RYR2: variants seen among roughly 807,000 people sequenced by gnomAD.
The protein encoded by RYR2 is ryanodine receptor 2, also known as cardiac muscle ryanodine receptor-calcium release channel.
In RYR2, 227 loss-of-function variants were observed where a neutral mutation model predicts 601.1. The observed-to-expected ratio is 0.38, with a 90% CI of 0.34 to 0.42. The LOEUF is 0.42. Ranked by LOEUF, RYR2 falls within the 10% of genes least tolerant of loss-of-function variation. The pLI, the probability that RYR2 is intolerant of heterozygous loss-of-function variation, is 1.00. For synonymous variants in RYR2, 2,223 were observed against 2,175.1 expected, an observed-to-expected ratio of 1.02 and a Z score of -0.61; for missense variants, 4,646 against 6,156.5, an observed-to-expected ratio of 0.75 and a Z score of 8.21.
intron 11 of RYR2, among the ~76,000 whole-genome samples, chr1:237,420,996 T>A (rs898084701): frequency 1.5e-4 from 23 of 152,192 alleles, no homozygotes; most frequent in African/African-American, 5.5e-4. Context: ...ATCCCATCAC[T>A]TTGGGAGGCT....
At chr1:237,754,972 A>G (rs1573815873) in intron 80 of RYR2, 1 of 690,250 alleles carries the variant, frequency 1.4e-6, no homozygotes, top group Non-Finnish European at 2.1e-6. Flanking sequence ...ATTTAGGCCT[A>G]TCACATAATT....
chr1:237,530,476 G>T lies in RYR2; in HGVS notation c.2872G>T (p.Glu958Ter). 6.2e-7 allele frequency: 1 copy of T among 1,608,548 alleles called. No homozygotes were observed. The highest frequency in any genetic ancestry group is 8.5e-7 in the Non-Finnish European group (1 of 1,177,360). Residue 958 changes from glutamate to a stop codon, truncating the protein, a stop_gained, in exon 25 of 105, where the codon GAA becomes TAA. Transcript: ENST00000366574. LOFTEE classifies it high-confidence loss of function. The stretch of plus-strand genomic sequence containing the variant: ...TGTGGGTATATCAGATGAACATGCT[G>T]AAGACAAGGTGAAAAAAATGAAGCT... ...CHVGISDEHA[E>*]DKVKKMKLPK...
At chr1:237,442,148 T>A (rs1227033031) in intron 13 of RYR2, among the ~76,000 whole-genome samples, 3 of 152,196 alleles carry the variant, frequency 2.0e-5, no homozygotes, top group Non-Finnish European at 4.4e-5. Flanking sequence ...CTTTGCAGAA[T>A]TATGAGCCAG....
chr1:237,829,312 T>C (rs558373485), intron 102 of RYR2, among the ~76,000 whole-genome samples: 1 of 152,288 alleles, frequency 6.6e-6, no homozygotes, highest in African/African-American at 2.4e-5. Flanking sequence ...CTGTCAGCAT[T>C]TTCCAGGTGG....
intron 60 of RYR2, 72 bp from the exon 61 acceptor site, chr1:237,677,976 C>G (rs1301575771): frequency 3.2e-6 from 3 of 935,024 alleles, no homozygotes; most frequent in Non-Finnish European, 5.2e-6. Context: ...GCTTTCTAAC[C>G]TTTGCATTAT....
intron 8 of RYR2, among the ~76,000 whole-genome samples, chr1:237,383,374 C>T (rs1701694132): frequency 6.7e-6 from 1 of 149,302 alleles, no homozygotes; most frequent in Non-Finnish European, 1.5e-5. Flanking sequence ...AACTACTCTG[C>T]ATTCCAATCT....
chr1:237,556,880 C>CAAAAA (rs869116177), intron 27 of RYR2, among the ~76,000 whole-genome samples: 6 of 77,828 alleles, frequency 7.7e-5, no homozygotes, highest in Admixed American at 3.1e-4. Flanking sequence ...TCCCTCCCAC[C>CAAAAA]AAAAAAAAAA....
intron 2 of RYR2, among the ~76,000 whole-genome samples, chr1:237,324,960 C>T (rs896559984): frequency 2.0e-5 from 3 of 152,216 alleles, no homozygotes; most frequent in African/African-American, 7.2e-5. Context: ...CATTAGGGCT[C>T]TAACTGCCTG....
intron 1 of RYR2, among the ~76,000 whole-genome samples, chr1:237,189,403 A>G (rs1679722678): frequency 6.6e-6 from 1 of 152,184 alleles, no homozygotes; most frequent in South Asian, 2.1e-4. Context: ...TGCATCTTGT[A>G]TATGTCTTTT....
chr1:237,200,545 G>T (rs368398983), intron 1 of RYR2, among the ~76,000 whole-genome samples: 1 of 152,174 alleles, frequency 6.6e-6, no homozygotes, highest in South Asian at 2.1e-4. Context: ...GATTATAGGC[G>T]TGAGCCACTG....
chr1:237,412,651 A>G (rs1406849393), intron 10 of RYR2, among the ~76,000 whole-genome samples: 1 of 152,148 alleles, frequency 6.6e-6, no homozygotes, highest in Non-Finnish European at 1.5e-5. Flanking sequence ...CCAGTTAACA[A>G]AGAGCTGCAT....
At chr1:237,511,630 C>A in intron 23 of RYR2, 58 bp from the exon 24 acceptor site, 1 of 1,306,814 alleles carries the variant, frequency 7.7e-7, no homozygotes, top group Non-Finnish European at 1.1e-6. Flanking sequence ...CAGTTGAATT[C>A]CATTGCTAGT....
intron 1 of RYR2, among the ~76,000 whole-genome samples, chr1:237,120,006 T>C (rs1187713429): frequency 6.6e-6 from 1 of 152,202 alleles, no homozygotes; most frequent in African/African-American, 2.4e-5. Context: ...AGGAGGTTGT[T>C]TTAAAAAGCC....
At chr1:237,337,489 GATTATA>G (rs1697355795) in intron 3 of RYR2, among the ~76,000 whole-genome samples, 1 of 152,164 alleles carries the variant, frequency 6.6e-6, no homozygotes, top group Non-Finnish European at 1.5e-5. Flanking sequence ...AAAGCTCATA[GATTATA>G]GTACAAACTC....
At chr1:237,649,803 T>A in intron 49 of RYR2, 74 bp from the exon 50 acceptor site, 2 of 1,227,704 alleles carry the variant, frequency 1.6e-6, no homozygotes, top group Non-Finnish European at 2.3e-6. Context: ...AAATTGTATG[T>A]CCCCATGTTA....
At chr1:237,248,109 T>C (rs572474041) in intron 1 of RYR2, among the ~76,000 whole-genome samples, 64 of 151,904 alleles carry the variant, frequency 4.2e-4, no homozygotes, top group Non-Finnish European at 8.7e-4. Context: ...CTGTCTCTAC[T>C]AAAAATACAA....
At chr1:237,646,454 T>G (rs1178189265) in intron 48 of RYR2, among the ~76,000 whole-genome samples, 1 of 152,190 alleles carries the variant, frequency 6.6e-6, no homozygotes, top group East Asian at 1.9e-4. Context: ...GTGCATTCAC[T>G]GCAGAGCTTC....
intron 92 of RYR2, among the ~76,000 whole-genome samples, chr1:237,789,793 T>G (rs1368300617): frequency 6.6e-6 from 1 of 152,258 alleles, no homozygotes; most frequent in Non-Finnish European, 1.5e-5. Flanking sequence ...CCGATTTGCA[T>G]GCACATGACC....
intron 2 of RYR2, among the ~76,000 whole-genome samples, chr1:237,321,312 C>CTAGCATG (rs1301791225): frequency 5.3e-5 from 8 of 152,144 alleles, no homozygotes; most frequent in Non-Finnish European, 8.8e-5. Flanking sequence ...CATGCTAGTA[C>CTAGCATG]AATTCCTGGC....
Sources: gnomAD v4.1 joint callset for allele counts (sites outside exome capture counted in the v4.1 genomes callset) on GRCh38, gnomAD v4.1.1 for gene constraint, MANE v1.5 for transcripts, NCBI Gene and HGNC (gene_info 2026-07-23, HGNC 2026-07-21) for gene names.